Variants in PIK3CA observed in about 807,000 individuals in gnomAD.
The protein encoded by PIK3CA is phosphatidylinositol-4,5-bisphosphate 3-kinase catalytic subunit alpha.
In PIK3CA, 27 loss-of-function variants were observed where a neutral mutation model predicts 138.2. That is an observed-to-expected ratio of 0.20 (90% CI 0.14 to 0.27). The LOEUF (loss-of-function observed/expected upper bound fraction) is 0.27. Ranked by LOEUF, PIK3CA falls within the 10% of genes least tolerant of loss-of-function variation. The pLI is 1.00. For missense variants in PIK3CA, 544 were observed against 1,277.4 expected (o/e 0.43, Z 8.75); for synonymous variants, 358 against 413.2 (o/e 0.87, Z 1.62).
At position 179,149,180 on chromosome 3, in the gene PIK3CA, C is replaced by T. The variant is rs546660254; in HGVS notation, c.-77+577C>T. ...CCCGCCAGCTCCCCTCCCACCCTTC[C>T]TTTCGAGGTTGTTTTTTCCTTTTAG... On this transcript the variant is annotated intron_variant, in intron 1 of 20. Coordinates refer to ENST00000263967, the MANE Select transcript of PIK3CA (RefSeq NM_006218.4). 9.2e-5 allele frequency among the ~76,000 whole-genome samples: 14 copies of T among 152,362 alleles called. No individual in the cohort carries two copies. In the East Asian group the frequency reaches 1.7e-3, roughly 19 times the overall value.
chr3:179,196,742 A>C (rs1402838090), intron 1 of PIK3CA, among the ~76,000 whole-genome samples: 1 of 152,174 alleles, frequency 6.6e-6, no homozygotes, highest in Non-Finnish European at 1.5e-5. Flanking sequence ...TGTCTAATCA[A>C]ATTAGGCCCT....
At chr3:179,195,780 A>G (rs1207189507) in intron 1 of PIK3CA, among the ~76,000 whole-genome samples, 1 of 152,180 alleles carries the variant, frequency 6.6e-6, no homozygotes, top group Non-Finnish European at 1.5e-5. Flanking sequence ...GATAATATCT[A>G]CCTCAAAAGT....
At chr3:179,210,739 G>A (rs1439302049) in intron 9 of PIK3CA, among the ~76,000 whole-genome samples, 174 bp downstream of exon 9, 7 of 152,164 alleles carry the variant, frequency 4.6e-5, no homozygotes, top group Admixed American at 4.6e-4. Context: ...CTGCACCTCT[G>A]CTTTTTTAAA....
intron 1 of PIK3CA, among the ~76,000 whole-genome samples, chr3:179,155,158 G>T (rs907260737): frequency 3.3e-5 from 5 of 152,096 alleles, no homozygotes; most frequent in Non-Finnish European, 5.9e-5. Context: ...TGTCTTATAA[G>T]TACAACAAAA....
chr3:179,168,917 T>C (rs527910662), intron 1 of PIK3CA, among the ~76,000 whole-genome samples: 1 of 152,296 alleles, frequency 6.6e-6, no homozygotes, highest in South Asian at 2.1e-4. Context: ...CTGGGTTTTT[T>C]TTCCTTTTGT....
chr3:179,234,100 G>A lies in PIK3CA; in HGVS notation c.2943G>A (p.Gln981=), dbSNP rs1438916801. ...CTGTTCTTATTACTTATAGGTTTCA[G>A]GAGATGTGTTACAAGGCTTATCTAG... ...CTKTREFERF[Q]EMCYKAYLAI... The change falls in exon 21 of 21, where the codon CAG becomes CAA. Residue 981 remains glutamine, a synonymous_variant. Coordinates refer to ENST00000263967, the MANE Select transcript of PIK3CA (RefSeq NM_006218.4). This position sits in a 1 kb window ranked among gnomAD's most constrained non-coding sequence, Gnocchi z 5.1. 6.2e-6 allele frequency: 10 copies of A among 1,605,384 alleles called. No individual in the cohort carries two copies. The highest frequency in any genetic ancestry group is 1.3e-5 in the African/African-American group (1 of 74,754).
chr3:179,205,439 A>G (rs1458949603), intron 6 of PIK3CA, among the ~76,000 whole-genome samples: 3 of 152,174 alleles, frequency 2.0e-5, no homozygotes, highest in African/African-American at 4.8e-5. Context: ...CCCACATTAG[A>G]TTAAAAACCT....
chr3:179,163,451 T>C (rs1723336012), intron 1 of PIK3CA, among the ~76,000 whole-genome samples: 2 of 151,482 alleles, frequency 1.3e-5, no homozygotes, highest in Non-Finnish European at 2.9e-5. Context: ...ACCCCCGGAG[T>C]TTAAATGCAG....
At chr3:179,153,866 G>A (rs1053345098) in intron 1 of PIK3CA, among the ~76,000 whole-genome samples, 11 of 152,162 alleles carry the variant, frequency 7.2e-5, no homozygotes, top group Non-Finnish European at 1.0e-4. Context: ...ATAAATATGA[G>A]GCAATATATA....
intron 1 of PIK3CA, among the ~76,000 whole-genome samples, chr3:179,152,234 T>C (rs1380874077): frequency 6.6e-6 from 1 of 152,202 alleles, no homozygotes; most frequent in East Asian, 1.9e-4. Flanking sequence ...AGAGTGGCAT[T>C]CCACCTCAGA....
chr3:179,226,194 C>T (rs1465220837), intron 17 of PIK3CA, among the ~76,000 whole-genome samples, 154 bp downstream of exon 17: 1 of 424 alleles, frequency 2.4e-3, no homozygotes, highest in Non-Finnish European at 4.5e-3. Context: ...GACATATCCT[C>T]CTCTTACTTA....
intron 1 of PIK3CA, among the ~76,000 whole-genome samples, chr3:179,183,013 C>T (rs1203764072): frequency 2.0e-5 from 3 of 152,152 alleles, no homozygotes; most frequent in Admixed American, 6.6e-5. Context: ...CTAGGTGACA[C>T]TTGTGCTGAA....
chr3:179,233,199 G>T, intron 20 of PIK3CA: 2 of 396,720 alleles, frequency 5.0e-6, no homozygotes, highest in Non-Finnish European at 8.9e-6. Flanking sequence ...GGTTTTCTAG[G>T]TATATGATTA....
At chr3:179,187,780 G>A (rs1235603185) in intron 1 of PIK3CA, among the ~76,000 whole-genome samples, 1 of 151,452 alleles carries the variant, frequency 6.6e-6, no homozygotes, top group African/African-American at 2.4e-5. Context: ...TGGGACTACA[G>A]GCGCCCGCCA....
chr3:179,153,006 A>G (rs1232225884), intron 1 of PIK3CA, among the ~76,000 whole-genome samples: 1 of 152,180 alleles, frequency 6.6e-6, no homozygotes, highest in Non-Finnish European at 1.5e-5. Context: ...ATCATTCTAA[A>G]AAAAGGAAAC....
rs901112758 is a variant in PIK3CA at position 179,234,744 on chromosome 3, A to G, written c.*380A>G. ...GTTTTTTTTGTCTTGCAAATGTTCTATGTTTTGAAATGTGGACACAACAAA... is the reference window on the plus strand; with the variant it reads ...GTTTTTTTTGTCTTGCAAATGTTCTGTGTTTTGAAATGTGGACACAACAAA... On this transcript the variant is annotated 3_prime_UTR_variant, in exon 21 of 21. Transcript: ENST00000263967. The surrounding 1 kb of genome is among the most constrained non-coding windows in gnomAD (Gnocchi z 5.1). 6.3e-5 allele frequency: 15 copies of G among 237,454 alleles called. No homozygotes were observed. The highest frequency in any genetic ancestry group is 3.1e-4 in the African/African-American group (14 of 45,416). 14.7% of individuals were successfully genotyped at this position (237,454 alleles called of 1,614,324 possible). A position where few individuals can be genotyped will look rare whatever the true frequency, so the allele number is the denominator to read the frequency against.
At chr3:179,165,035 C>T (rs1439171911) in intron 1 of PIK3CA, among the ~76,000 whole-genome samples, 2 of 152,082 alleles carry the variant, frequency 1.3e-5, no homozygotes, top group Non-Finnish European at 2.9e-5. Context: ...TTATTCCTTT[C>T]TCATTTCACT....
At chr3:179,203,884 T>TCTCCTAACCATCTGAAAACA in intron 5 of PIK3CA, 95 bp downstream of exon 5, 1 of 849,558 alleles carries the variant, frequency 1.2e-6, no homozygotes, top group Non-Finnish European at 1.8e-6. Context: ...TGTAGTATGT[T>TCTCCTAACCATCTGAAAACA]TTCAGATGGT....
chr3:179,238,925 A>G lies in PIK3CA; in HGVS notation c.*4561A>G, dbSNP rs2108433879. On this transcript the variant is annotated 3_prime_UTR_variant, in exon 21 of 21. Transcript: ENST00000263967. ...GTCTTTAAATAAACTTCATGCACCT[A>G]TTCCACTTAAGGTTTTGCACCTCCT... 1 of 217,956 alleles carries G rather than the reference A, an allele frequency of 4.6e-6. No homozygotes were observed. Among genetic ancestry groups the G allele is most frequent in the African/African-American group, 2.2e-5 (1 of 44,514 alleles). 13.5% of individuals were successfully genotyped at this position (217,956 alleles called of 1,614,324 possible). A position where few individuals can be genotyped will look rare whatever the true frequency, so the allele number is the denominator to read the frequency against.
Sources: allele counts gnomAD v4.1 joint callset (sites outside exome capture counted in the v4.1 genomes callset), GRCh38; gene constraint gnomAD v4.1.1; non-coding constraint Gnocchi (gnomAD v3.1); transcripts MANE v1.5; gene names NCBI Gene and HGNC (gene_info 2026-07-23, HGNC 2026-07-21).